SPAG16: variants seen among roughly 807,000 people sequenced by gnomAD.
SPAG16 encodes the protein sperm-associated antigen 16 protein.
In SPAG16, 86 loss-of-function variants were observed where a neutral mutation model predicts 80.4. The ratio of observed to expected loss-of-function variants is 1.07; its 90% CI spans 0.90 to 1.28. SPAG16 has a LOEUF of 1.28. Among genes scored for constraint, SPAG16 ranks in the 50% most tolerant of loss-of-function variants. The pLI is 0.00. For synonymous variants in SPAG16, 294 were observed against 265.9 expected, an observed-to-expected ratio of 1.11 and a Z score of -1.03; for missense variants, 870 against 765.3, an observed-to-expected ratio of 1.14 and a Z score of -1.61.
intron 7 of SPAG16, among the ~76,000 whole-genome samples, chr2:213,356,344 C>G (rs1482278400): frequency 1.3e-5 from 2 of 152,172 alleles, no homozygotes; most frequent in Non-Finnish European, 1.5e-5. Context: ...CTTTGTACCT[C>G]TGGCAGAATT....
intron 12 of SPAG16, among the ~76,000 whole-genome samples, chr2:213,982,490 A>C (rs917764558): frequency 6.6e-6 from 1 of 152,086 alleles, no homozygotes; most frequent in African/African-American, 2.4e-5. Flanking sequence ...CATACAACAA[A>C]GTTTTGAAGT....
chr2:213,608,369 T>A lies in SPAG16; in HGVS notation c.1070+118279T>A, dbSNP rs563509897. 2.8e-4 allele frequency among the ~76,000 whole-genome samples: 42 copies of A among 152,274 alleles called. No homozygotes were observed. The East Asian group carries it at 7.5e-3, about 27-fold the overall frequency. Reference sequence around the variant, plus strand: ...TCCCCGGTGTGTGATGTTCCCTTCCTGTGTCCATGTGTTCTCATTGTTCAA... The same window carrying A: ...TCCCCGGTGTGTGATGTTCCCTTCCAGTGTCCATGTGTTCTCATTGTTCAA... On this transcript the variant is annotated intron_variant, in intron 10 of 15. Transcript: ENST00000331683.
At chr2:213,289,688 C>A (rs1056471880) in intron 1 of SPAG16, among the ~76,000 whole-genome samples, 1 of 152,162 alleles carries the variant, frequency 6.6e-6, no homozygotes, top group African/African-American at 2.4e-5. Context: ...AAATGTTGAT[C>A]ATGGAAGATC....
intron 10 of SPAG16, among the ~76,000 whole-genome samples, chr2:213,720,656 G>T (rs1276938469): frequency 2.1e-5 from 3 of 144,756 alleles, no homozygotes; most frequent in Non-Finnish European, 4.5e-5. Flanking sequence ...AATAAATAAA[G>T]AAAAAAAATA....
rs189345656 is a variant in SPAG16, at chr2:214,280,978, C to T, written c.1721-129162C>T. ...AATTCCTTGCTTTCAGAATCATAAC[C>T]GGGAATCGTTTGGTACTGTAAGGGA... On this transcript the variant is annotated intron_variant, in intron 15 of 15. Coordinates refer to ENST00000331683, the MANE Select transcript of SPAG16 (RefSeq NM_024532.5). 709 of 448,730 alleles carry T rather than the reference C, an allele frequency of 1.6e-3. 9 individuals are homozygous for T. The Admixed American group carries it at 0.017, about 11-fold the overall frequency. 27.8% of individuals were successfully genotyped at this position (448,730 alleles called of 1,614,324 possible).
chr2:214,121,715 G>A (rs527756918), intron 14 of SPAG16, among the ~76,000 whole-genome samples: 29 of 151,870 alleles, frequency 1.9e-4, no homozygotes, highest in South Asian at 6.2e-4. Flanking sequence ...ACATGACACC[G>A]TAAGGTGAAA....
At chr2:214,043,191 ATT>A (rs1422187100) in intron 13 of SPAG16, among the ~76,000 whole-genome samples, 3 of 151,788 alleles carry the variant, frequency 2.0e-5, no homozygotes, top group Non-Finnish European at 4.4e-5. Context: ...CAGTGGGAAT[ATT>A]TAAATTATGA....
intron 13 of SPAG16, among the ~76,000 whole-genome samples, chr2:214,051,753 C>A (rs1399977588): frequency 6.6e-6 from 1 of 152,142 alleles, no homozygotes; most frequent in East Asian, 1.9e-4. Context: ...GAGAAATCTG[C>A]CTTCCAGGTC....
intron 5 of SPAG16, among the ~76,000 whole-genome samples, chr2:213,336,270 G>A (rs1272350790): frequency 1.3e-5 from 2 of 152,236 alleles, no homozygotes; most frequent in Admixed American, 1.3e-4. Flanking sequence ...AGCTGCTTGG[G>A]TGGCTGGCCA....
chr2:214,301,672 T>G (rs1694563378), intron 15 of SPAG16, among the ~76,000 whole-genome samples: 1 of 152,212 alleles, frequency 6.6e-6, no homozygotes, highest in Non-Finnish European at 1.5e-5. Flanking sequence ...TCTTCTTTAT[T>G]TCTTGGTTAA....
intron 13 of SPAG16, among the ~76,000 whole-genome samples, chr2:214,051,684 A>C (rs886149762): frequency 6.6e-6 from 1 of 152,210 alleles, no homozygotes; most frequent in African/African-American, 2.4e-5. Flanking sequence ...GTGAGCCACA[A>C]ATGAGAAGTT....
chr2:213,354,104 C>T (rs2065491701), intron 7 of SPAG16, among the ~76,000 whole-genome samples: 3 of 152,226 alleles, frequency 2.0e-5, no homozygotes. Flanking sequence ...TCTCATTGTT[C>T]GTTTCCCACC....
At chr2:214,046,446 C>T (rs1206043517) in intron 13 of SPAG16, among the ~76,000 whole-genome samples, 1 of 152,084 alleles carries the variant, frequency 6.6e-6, no homozygotes, top group Non-Finnish European at 1.5e-5. Context: ...ATACAAAAAT[C>T]CTCAACCAAA....
At position 213,576,118 on chromosome 2, in the gene SPAG16, T is replaced by C. The variant is rs1034329421; in HGVS notation, c.1070+86028T>C. Among the ~76,000 whole-genome samples, 4 of 152,244 alleles carry C rather than the reference T, an allele frequency of 2.6e-5. No individual in the cohort carries two copies. In the East Asian group the frequency reaches 7.7e-4, roughly 29 times the overall value. ...TTTTGCATATGATATAATGAAGGGG[T>C]CCTGTTTCAGTCTTCTGCATATGGC... On this transcript the variant is annotated intron_variant, in intron 10 of 15. Transcript: ENST00000331683.
chr2:213,439,909 C>T (rs927818599), intron 9 of SPAG16, among the ~76,000 whole-genome samples: 19 of 152,262 alleles, frequency 1.2e-4, no homozygotes, highest in Non-Finnish European at 2.2e-4. Flanking sequence ...ACAAAAAACT[C>T]TATGATAATT....
intron 12 of SPAG16, among the ~76,000 whole-genome samples, chr2:213,944,340 A>G (rs1038537398): frequency 2.0e-5 from 3 of 152,206 alleles, no homozygotes; most frequent in Non-Finnish European, 4.4e-5. Flanking sequence ...GCTTAGGTGT[A>G]AGCTCTTACA....
At chr2:213,485,118 C>G (rs554488248) in intron 9 of SPAG16, among the ~76,000 whole-genome samples, 1 of 151,542 alleles carries the variant, frequency 6.6e-6, no homozygotes, top group Admixed American at 6.6e-5. Flanking sequence ...CCTCAGCCCC[C>G]CAAGTAGCTG....
chr2:213,641,967 C>A (rs1461786178), intron 10 of SPAG16, among the ~76,000 whole-genome samples: 1 of 152,186 alleles, frequency 6.6e-6, no homozygotes, highest in Non-Finnish European at 1.5e-5. Context: ...CATGATAAGT[C>A]ACTCACTATC....
At chr2:213,994,172 G>A (rs2046408005) in intron 12 of SPAG16, among the ~76,000 whole-genome samples, 1 of 152,090 alleles carries the variant, frequency 6.6e-6, no homozygotes, top group Admixed American at 6.6e-5. Context: ...TTCTTTGAAA[G>A]TATTAATTAG....
Sources: gnomAD v4.1 joint callset for allele counts (sites outside exome capture counted in the v4.1 genomes callset) on GRCh38, gnomAD v4.1.1 for gene constraint, MANE v1.5 for transcripts, NCBI Gene and HGNC (gene_info 2026-07-23, HGNC 2026-07-21) for gene names.